The following SLC27A4 variants were observed in gnomAD, a reference collection of about 807,000 sequenced individuals.
The protein encoded by SLC27A4 is long-chain fatty acid transport protein 4.
Under a neutral mutation model 64.4 loss-of-function variants are expected in SLC27A4, and 33 were observed. That is an observed-to-expected ratio of 0.51 (90% CI 0.39 to 0.68). SLC27A4 has a LOEUF of 0.68. Ranked by LOEUF, SLC27A4 falls within the 30% of genes least tolerant of loss-of-function variation. SLC27A4 has a pLI of 0.00. For missense variants in SLC27A4, 824 were observed against 883.5 expected, an observed-to-expected ratio of 0.93 and a Z score of 0.85; for synonymous variants, 377 against 370.0, an observed-to-expected ratio of 1.02 and a Z score of -0.22.
At chr9:128,346,862 G>A (rs764170982) in intron 3 of SLC27A4, among the ~76,000 whole-genome samples, 34 of 151,470 alleles carry the variant, frequency 2.2e-4, no homozygotes, top group East Asian at 3.9e-4. Flanking sequence ...AAACCTAGCC[G>A]AGCATGGTGG....
rs2131265884 is a variant in SLC27A4, at chr9:128,353,313, G to A, written c.1197+79G>A. 2 of 1,610,094 alleles carry A rather than the reference G, an allele frequency of 1.2e-6. No homozygotes were observed. Among genetic ancestry groups the A allele is most frequent in the South Asian group, 1.1e-5 (1 of 90,978 alleles). ...CACTGGATGCAGAGGGGAGGGCAGAGTTCGAGCGTGAGAGTGTGGGTGCTG... is the reference window on the plus strand; with the variant it reads ...CACTGGATGCAGAGGGGAGGGCAGAATTCGAGCGTGAGAGTGTGGGTGCTG... On this transcript the variant is annotated intron_variant, in intron 8 of 12. Coordinates refer to ENST00000300456, the MANE Select transcript of SLC27A4 (RefSeq NM_005094.4). This position sits in a 1 kb window ranked among gnomAD's most constrained non-coding sequence, Gnocchi z 4.9.
intron 3 of SLC27A4, among the ~76,000 whole-genome samples, chr9:128,347,893 A>G (rs1832679965): frequency 6.6e-6 from 1 of 151,322 alleles, no homozygotes; most frequent in South Asian, 2.1e-4. Context: ...AAAAAAAAAA[A>G]AGAAAGGAAA....
At chr9:128,340,871 T>C in intron 1 of SLC27A4, 33 bp downstream of exon 1, 1 of 605,152 alleles carries the variant, frequency 1.7e-6, no homozygotes, top group Non-Finnish European at 3.1e-6. Flanking sequence ...GGTTCCCGGG[T>C]GGGGACATGT....
Position 128,345,331 on chromosome 9 carries a change from G to A in SLC27A4, c.338G>A (p.Ser113Asn), listed in dbSNP as rs372549619. ...TFRQLDEYSSSVANFLQARGL... is the reference protein window; with the variant it reads ...TFRQLDEYSSNVANFLQARGL... The stretch of plus-strand genomic sequence containing the variant: ...CGCCAGCTGGATGAGTACTCAAGCA[G>A]TGTAGCCAACTTCCTGCAGGCCCGG... The change falls in exon 3 of 13, where the codon AGT becomes AAT. Residue 113 changes from serine (S) to asparagine (N), a missense_variant. Coordinates refer to ENST00000300456, the MANE Select transcript of SLC27A4 (RefSeq NM_005094.4). This position sits in a 1 kb window ranked among gnomAD's most constrained non-coding sequence, Gnocchi z 4.1. 2 of 1,613,760 alleles carry A rather than the reference G, an allele frequency of 1.2e-6. No individual in the cohort carries two copies. The highest frequency in any genetic ancestry group is 1.7e-5 in the Admixed American group (1 of 59,992).
At chr9:128,360,240 C>G in intron 12 of SLC27A4, 94 bp from the exon 13 acceptor site, 1 of 1,414,336 alleles carries the variant, frequency 7.1e-7, no homozygotes, top group East Asian at 2.3e-5. Flanking sequence ...GTTTGTCCTC[C>G]AGCCCTGCTC....
rs1832551720 is a variant in SLC27A4, at chr9:128,340,530, C to A, written c.-315C>A. The A allele has an allele frequency of 5.9e-6, 1 of 168,578 alleles. No individual in the cohort carries two copies. The highest frequency in any genetic ancestry group is 1.2e-5 in the Non-Finnish European group (1 of 80,052). The allele number at this position is 168,578 out of a possible 1,614,324, so 10.4% of individuals were successfully genotyped here. Reference sequence around the variant, plus strand: ...CGGGCTGGGGCCGAGCGGCGTCAGGCGCGCTGGGGCTGCGCTGCGCCGCCG... The same window carrying A: ...CGGGCTGGGGCCGAGCGGCGTCAGGAGCGCTGGGGCTGCGCTGCGCCGCCG... On this transcript the variant is annotated 5_prime_UTR_variant, in exon 1 of 13. Transcript: ENST00000300456.
chr9:128,358,389 G>A (rs1040938895), intron 12 of SLC27A4, among the ~76,000 whole-genome samples: 4 of 152,238 alleles, frequency 2.6e-5, no homozygotes, highest in Non-Finnish European at 4.4e-5. Flanking sequence ...GCTGGACGCC[G>A]TGGCTCACGC....
In SLC27A4 at chr9:128,350,316, A is replaced by T. The variant is rs750933141; in HGVS notation, c.720A>T (p.Lys240Asn). 3 of 1,612,764 alleles carry T rather than the reference A, an allele frequency of 1.9e-6. No homozygotes were observed. Among genetic ancestry groups the T allele is most frequent in the Non-Finnish European group, 2.5e-6 (3 of 1,179,980 alleles). ...ACTCGCGTCTGTTTTCTTTAGATAA[A>T]CTGTTCTACATCTACACATCCGGCA... ...PSCPDKGFTD[K>N]LFYIYTSGTT... The change falls in exon 5 of 13, where the codon AAA becomes AAT. Residue 240 changes from lysine to asparagine, a missense_variant. Lys to Asn is a moderately conservative substitution (Grantham distance 94). Coordinates refer to ENST00000300456, the MANE Select transcript of SLC27A4 (RefSeq NM_005094.4).
At chr9:128,352,834 A>AG in intron 7 of SLC27A4, 87 bp downstream of exon 7, 1 of 1,167,402 alleles carries the variant, frequency 8.6e-7, no homozygotes, top group Non-Finnish European at 1.3e-6. Context: ...CTTATAGCTG[A>AG]GGTGGCCAGT....
Position 128,340,714 on chromosome 9 carries a change from G to GCCGGCTAAACCCTGCTGAGAC in SLC27A4, c.-124_-104dup, listed in dbSNP as rs2131245270. The GCCGGCTAAACCCTGCTGAGAC allele has an allele frequency of 1.8e-6, 1 of 557,476 alleles. No individual in the cohort carries two copies. Among genetic ancestry groups the GCCGGCTAAACCCTGCTGAGAC allele is most frequent in the East Asian group, 3.5e-5 (1 of 28,682 alleles). 34.5% of individuals were successfully genotyped at this position (557,476 alleles called of 1,614,324 possible). Reference sequence around the variant, plus strand: ...GCGGCCGGGCCATGCAGGGCGCAGAGCCGGCTAAACCCTGCTGAGACCCGG... The same window carrying GCCGGCTAAACCCTGCTGAGAC: ...GCGGCCGGGCCATGCAGGGCGCAGAGCCGGCTAAACCCTGCTGAGACCCGGCTAAACCCTGCTGAGACCCGG... On this transcript the variant is annotated 5_prime_UTR_variant, in exon 1 of 13. Transcript: ENST00000300456.
chr9:128,350,326 A>G lies in SLC27A4; in HGVS notation c.730A>G (p.Ile244Val). 1 of 1,613,100 alleles carries G rather than the reference A, an allele frequency of 6.2e-7. No homozygotes were observed. Among genetic ancestry groups the G allele is most frequent in the Non-Finnish European group, 8.5e-7 (1 of 1,180,024 alleles). ...GTTTTCTTTAGATAAACTGTTCTAC[A>G]TCTACACATCCGGCACCACAGGGCT... ...DKGFTDKLFY[I>V]YTSGTTGLPK... The change falls in exon 5 of 13, where the codon ATC becomes GTC. Residue 244 changes from isoleucine (I) to valine (V), a missense_variant. By Grantham distance (29) the Ile-to-Val change is conservative (BLOSUM62 3). Transcript: ENST00000300456.
At position 128,348,707 on chromosome 9, in the gene SLC27A4, G is replaced by GGCTC. The variant is rs1384291720; in HGVS notation, c.715+5_715+8dup. ...TGCCCTGACAAGGGCTTCACAGGTGGGCTCCATCCCCTCCCCATAGAGGGG... is the reference window on the plus strand; with the variant it reads ...TGCCCTGACAAGGGCTTCACAGGTGGGCTCGCTCCATCCCCTCCCCATAGAGGGG... On this transcript the variant is annotated splice_donor_region_variant and intron_variant, in intron 4 of 12. Coordinates refer to ENST00000300456, the MANE Select transcript of SLC27A4 (RefSeq NM_005094.4). 6.2e-7 allele frequency: 1 copy of GGCTC among 1,613,662 alleles called. No individual in the cohort carries two copies. Among genetic ancestry groups the GGCTC allele is most frequent in the African/African-American group, 1.3e-5 (1 of 74,932 alleles).
chr9:128,345,341 C>G lies in SLC27A4; in HGVS notation c.348C>G (p.Asn116Lys), dbSNP rs1235195368. ...ATGAGTACTCAAGCAGTGTAGCCAA[C>G]TTCCTGCAGGCCCGGGGCCTGGCCT... Reference protein sequence around the residue: ...QLDEYSSSVANFLQARGLASG... With the variant: ...QLDEYSSSVAKFLQARGLASG... Residue 116 changes from asparagine (N) to lysine (K), a missense_variant, in exon 3 of 13, where the codon AAC (asparagine) becomes AAG (lysine). Coordinates refer to ENST00000300456, the MANE Select transcript of SLC27A4 (RefSeq NM_005094.4). This position sits in a 1 kb window ranked among gnomAD's most constrained non-coding sequence, Gnocchi z 4.1. The G allele has an allele frequency of 6.2e-7, 1 of 1,613,804 alleles. No individual in the cohort carries two copies. The highest frequency in any genetic ancestry group is 2.2e-5 in the East Asian group (1 of 44,884).
intron 12 of SLC27A4, among the ~76,000 whole-genome samples, chr9:128,357,611 C>T (rs1832839380): frequency 6.6e-6 from 1 of 152,188 alleles, no homozygotes; most frequent in African/African-American, 2.4e-5. Flanking sequence ...GGCCCGCAGT[C>T]GCCCACAAGG....
rs1832773056 is a variant in SLC27A4 at position 128,353,694 on chromosome 9, T to C, written c.1324+153T>C. On this transcript the variant is annotated intron_variant, in intron 9 of 12. Transcript: ENST00000300456. This position sits in a 1 kb window ranked among gnomAD's most constrained non-coding sequence, Gnocchi z 4.9. ...CTCATTTATTTGTGTATCCATCCAT[T>C]CATTCATTCATTCGCCATTCTATCT... is the stretch of plus-strand genomic sequence containing the variant. Among the ~76,000 whole-genome samples, 2 of 151,830 alleles carry C rather than the reference T, an allele frequency of 1.3e-5. No individual in the cohort carries two copies. The highest frequency in any genetic ancestry group is 4.1e-4 in the South Asian group (2 of 4,824).
chr9:128,353,594 C>T lies in SLC27A4; in HGVS notation c.1324+53C>T. On this transcript the variant is annotated intron_variant, in intron 9 of 12. Transcript: ENST00000300456. This position sits in a 1 kb window ranked among gnomAD's most constrained non-coding sequence, Gnocchi z 4.9. ...GGGGTTGGCCTGGGAAGGAAGGAGG[C>T]CAGGCGCGTGTGGATGGGGAGCCTT... 6.3e-7 allele frequency: 1 copy of T among 1,597,650 alleles called. No homozygotes were observed.
intron 12 of SLC27A4, among the ~76,000 whole-genome samples, chr9:128,356,281 G>C (rs892200061): frequency 1.3e-5 from 2 of 152,212 alleles, no homozygotes; most frequent in African/African-American, 2.4e-5. Context: ...ACTTTATGGC[G>C]GTGGGAGGCA....
rs770163094 is a variant in SLC27A4 at position 128,360,308 on chromosome 9, C to T, written c.1775-26C>T. Reference sequence around the variant, plus strand: ...TGGGAGCTCGGGCCCCTGCCCTGCACTGAGTCTTCTTCCCTGCTCTCCCAG... The same window carrying T: ...TGGGAGCTCGGGCCCCTGCCCTGCATTGAGTCTTCTTCCCTGCTCTCCCAG... On this transcript the variant is annotated intron_variant, in intron 12 of 12. Coordinates refer to ENST00000300456, the MANE Select transcript of SLC27A4 (RefSeq NM_005094.4). 3 of 1,613,712 alleles carry T rather than the reference C, an allele frequency of 1.9e-6. No individual in the cohort carries two copies. In the African/African-American group the frequency reaches 4.0e-5, roughly 22 times the overall value.
chr9:128,353,434 A>C lies in SLC27A4; in HGVS notation c.1217A>C (p.Asn406Thr). Residue 406 changes from asparagine to threonine, a missense_variant, in exon 9 of 13, where the codon AAT becomes ACT. Coordinates refer to ENST00000300456, the MANE Select transcript of SLC27A4 (RefSeq NM_005094.4). This position sits in a 1 kb window ranked among gnomAD's most constrained non-coding sequence, Gnocchi z 4.9. ...FDSQVGACGF[N>T]SRILSFVYPI... ...TCGCAGGTGGGGGCCTGTGGTTTCA[A>C]TAGCCGCATCCTGTCCTTCGTGTAC... 1 of 1,614,154 alleles carries C rather than the reference A, an allele frequency of 6.2e-7. No homozygotes were observed. Among genetic ancestry groups the C allele is most frequent in the Middle Eastern group, 1.6e-4 (1 of 6,062 alleles).
Sources: allele counts gnomAD v4.1 joint callset (sites outside exome capture counted in the v4.1 genomes callset), GRCh38; gene constraint gnomAD v4.1.1; non-coding constraint Gnocchi (gnomAD v3.1); transcripts MANE v1.5; gene names NCBI Gene and HGNC (gene_info 2026-07-23, HGNC 2026-07-21).